Variants in ECE1 observed in about 807,000 individuals in gnomAD.
ECE1 encodes endothelin-converting enzyme 1.
In ECE1, 35 loss-of-function variants were observed where a neutral mutation model predicts 98.6. The ratio of observed to expected loss-of-function variants is 0.35; its 90% confidence interval spans 0.27 to 0.47. The LOEUF (loss-of-function observed/expected upper bound fraction) is 0.47. Ranked by LOEUF, ECE1 falls within the 20% of genes least tolerant of loss-of-function variation. The probability of loss-of-function intolerance (pLI) is 1.00; values close to 1 mark genes in which losing one functional copy is unlikely to be tolerated. For synonymous variants in ECE1, 394 were observed against 407.1 expected, an observed-to-expected ratio of 0.97 and a Z score of 0.39; for missense variants, 814 against 1,025.3, an observed-to-expected ratio of 0.79 and a Z score of 2.81.
At chr1:21,226,409 C>T (rs562692820) in intron 16 of ECE1, among the ~76,000 whole-genome samples, 8 of 152,280 alleles carry the variant, frequency 5.3e-5, no homozygotes, top group African/African-American at 1.9e-4. Context: ...GAAATGACAG[C>T]GCTTGCTAAA....
chr1:21,264,681 G>A (rs2103305469), intron 4 of ECE1, among the ~76,000 whole-genome samples: 2 of 152,276 alleles, frequency 1.3e-5, no homozygotes, highest in South Asian at 4.1e-4. Flanking sequence ...ACTGCCCCCA[G>A]GAATTTATTC....
rs528409257 is a variant in ECE1 at position 21,238,052 on chromosome 1, G to A, written c.1389+82C>T. ...CCCAGGAGCAGGAAAGGCCCAGGGT[G>A]GGCTGGAGTGTGAACTGGCAGGTCT... On this transcript the variant is annotated intron_variant, in intron 11 of 18. Coordinates refer to ENST00000374893, the MANE Select transcript of ECE1 (RefSeq NM_001397.3). 16 of 1,285,960 alleles carry A rather than the reference G, an allele frequency of 1.2e-5. No homozygotes were observed. The African/African-American group carries it at 2.2e-4, about 18-fold the overall frequency. The allele number at this position is 1,285,960 out of a possible 1,614,324, so 79.7% of individuals were successfully genotyped here. A position where few individuals can be genotyped will look rare whatever the true frequency, so the allele number is the denominator to read the frequency against.
In ECE1 at chr1:21,345,493, G is replaced by C; in HGVS notation, c.-115C>G. 1 of 1,034,804 alleles carries C rather than the reference G, an allele frequency of 9.7e-7. No individual in the cohort carries two copies. The highest frequency in any genetic ancestry group is 1.2e-6 in the Non-Finnish European group (1 of 817,366). 64.1% of individuals were successfully genotyped at this position (1,034,804 alleles called of 1,614,324 possible). A position where few individuals can be genotyped will look rare whatever the true frequency, so the allele number is the denominator to read the frequency against. On this transcript the variant is annotated 5_prime_UTR_variant, in exon 1 of 19. Coordinates refer to the ECE1 transcript ENST00000415912. This position sits in a 1 kb window ranked among gnomAD's most constrained non-coding sequence, Gnocchi z 5.1. The stretch of plus-strand genomic sequence containing the variant: ...TCGGACGGCTCGGCTGCCTGGCCCA[G>C]GCGGCGCGCTCAGCTCCAGCGGGCG...
At chr1:21,246,190 C>CA (rs943839921) in intron 9 of ECE1, among the ~76,000 whole-genome samples, 3 of 151,740 alleles carry the variant, frequency 2.0e-5, no homozygotes, top group Admixed American at 6.6e-5. Context: ...TGGTAGTTTT[C>CA]AAAAAATTTT....
At chr1:21,269,630 G>T (rs2098237908) in intron 4 of ECE1, among the ~76,000 whole-genome samples, 1 of 152,224 alleles carries the variant, frequency 6.6e-6, no homozygotes, top group Non-Finnish European at 1.5e-5. Context: ...GCTTTGACGA[G>T]CACCTACTAG....
Position 21,247,226 on chromosome 1 carries a change from G to A in ECE1, c.1158C>T (p.Asp386=). 2 of 1,614,210 alleles carry A rather than the reference G, an allele frequency of 1.2e-6. No homozygotes were observed. The highest frequency in any genetic ancestry group is 2.2e-5 in the South Asian group (2 of 91,086). The change falls in exon 9 of 19, where the codon GAC becomes GAT. Residue 386 remains aspartate (D), a synonymous_variant. Coordinates refer to ENST00000374893, the MANE Select transcript of ECE1 (RefSeq NM_001397.3). The part of the protein sequence containing the change: ...EQISTLINTT[D]RCLLNNYMIW... ...GCCACTGGGGGTCCTCTTACCATCT[G>A]TCGGTGGTGTTGATGAGAGTGGAGA...
intron 1 of ECE1, among the ~76,000 whole-genome samples, chr1:21,325,028 C>T (rs1158063562): frequency 2.6e-5 from 4 of 152,214 alleles, no homozygotes; most frequent in African/African-American, 9.6e-5. Context: ...GGAAAGCACA[C>T]ATGTTTTGTT....
chr1:21,345,189 G>A lies in ECE1; in HGVS notation c.3+187C>T. The A allele has an allele frequency of 1.3e-6, 1 of 765,008 alleles. No homozygotes were observed. Among genetic ancestry groups the A allele is most frequent in the Non-Finnish European group, 1.7e-6 (1 of 592,754 alleles). 47.4% of individuals were successfully genotyped at this position (765,008 alleles called of 1,614,324 possible). On this transcript the variant is annotated intron_variant, in intron 1 of 18. Coordinates refer to the ECE1 transcript ENST00000415912. The surrounding 1 kb of genome is among the most constrained non-coding windows in gnomAD (Gnocchi z 5.1). ...GACGGGACCAAGCGCAGCGCCGCCG[G>A]GAGAGCCGCGCTCTGCCCGGGCGCT...
chr1:21,226,191 T>A (rs2098174012), intron 16 of ECE1, among the ~76,000 whole-genome samples: 1 of 152,104 alleles, frequency 6.6e-6, no homozygotes, highest in South Asian at 2.1e-4. Flanking sequence ...GAGGGACTGA[T>A]TCAACGCCCC....
At chr1:21,331,813 A>C (rs1473198998) in intron 1 of ECE1, among the ~76,000 whole-genome samples, 1 of 152,214 alleles carries the variant, frequency 6.6e-6, no homozygotes, top group Non-Finnish European at 1.5e-5. Context: ...GGCACACAGC[A>C]AACACTCAAG....
At chr1:21,293,116 C>T (rs554609239), upstream of ECE1, among the ~76,000 whole-genome samples, 181 of 152,320 alleles carry the variant, frequency 1.2e-3, 1 homozygote, top group Non-Finnish European at 5.9e-5. Context: ...TTTATACCAT[C>T]TCTTTTAAGC....
Position 21,219,732 on chromosome 1 carries a change from G to A in ECE1, c.*223C>T. On this transcript the variant is annotated 3_prime_UTR_variant, in exon 19 of 19. Transcript: ENST00000374893. The surrounding 1 kb of genome is among the most constrained non-coding windows in gnomAD (Gnocchi z 4.5). ...CCCAGCACCCGAATGCCTGCTGAAG[G>A]TGGCGCACACGTGTGCCTGGGATGT... 2 of 603,866 alleles carry A rather than the reference G, an allele frequency of 3.3e-6. No homozygotes were observed. Among genetic ancestry groups the A allele is most frequent in the South Asian group, 1.9e-5 (1 of 52,770 alleles). 37.4% of individuals were successfully genotyped at this position (603,866 alleles called of 1,614,324 possible).
At position 21,220,224 on chromosome 1, in the gene ECE1, G is replaced by T; in HGVS notation, c.2137-93C>A. 1 of 1,407,122 alleles carries T rather than the reference G, an allele frequency of 7.1e-7. No homozygotes were observed. Among genetic ancestry groups the T allele is most frequent in the Non-Finnish European group, 9.6e-7 (1 of 1,041,312 alleles). The allele number at this position is 1,407,122 out of a possible 1,614,324, so 87.2% of individuals were successfully genotyped here. A position where few individuals can be genotyped will look rare whatever the true frequency, so the allele number is the denominator to read the frequency against. ...TATAACAGCAGGGGAGGCCAGGTGCGGTGGCTCACACCTGTAATCCCAGCA... is the reference window on the plus strand; with the variant it reads ...TATAACAGCAGGGGAGGCCAGGTGCTGTGGCTCACACCTGTAATCCCAGCA... On this transcript the variant is annotated intron_variant, in intron 18 of 18. Coordinates refer to ENST00000374893, the MANE Select transcript of ECE1 (RefSeq NM_001397.3). The surrounding 1 kb of genome is among the most constrained non-coding windows in gnomAD (Gnocchi z 5.0).
intron 1 of ECE1, among the ~76,000 whole-genome samples, chr1:21,338,571 A>G (rs999854231): frequency 1.3e-5 from 2 of 152,176 alleles, no homozygotes; most frequent in African/African-American, 4.8e-5. Context: ...CCTCTGAATG[A>G]GAGTATTATA....
chr1:21,244,988 CCTT>C lies in ECE1; in HGVS notation c.1276_1278del (p.Lys426del). On this transcript the variant is annotated inframe_deletion and splice_region_variant, in exon 10 of 19. Transcript: ENST00000374893. ...TCAGGCATACGCAGTAGCAGGCTCA[CCTT>C]CTTGGTCCCGTACATGACTTCCATG... 6.2e-7 allele frequency: 1 copy of C among 1,613,852 alleles called. No homozygotes were observed. Among genetic ancestry groups the C allele is most frequent in the Non-Finnish European group, 8.5e-7 (1 of 1,179,724 alleles).
chr1:21,248,093 G>C lies in ECE1; in HGVS notation c.1021-730C>G, dbSNP rs28367993. 3.7e-4 allele frequency among the ~76,000 whole-genome samples: 56 copies of C among 152,290 alleles called. No individual in the cohort carries two copies. The East Asian group carries it at 0.01, about 28-fold the overall frequency. ...TGATATTTCTCAGGCATGGGATCGG[G>C]AAGGGTTGAACATTAACTTTCAGCA... On this transcript the variant is annotated intron_variant, in intron 8 of 18. Transcript: ENST00000374893.
At position 21,327,372 on chromosome 1, in the gene ECE1, C is replaced by T. The variant is rs1274818394; in HGVS notation, c.3+18004G>A. On this transcript the variant is annotated intron_variant, in intron 1 of 18. Transcript: ENST00000415912. This position sits in a 1 kb window ranked among gnomAD's most constrained non-coding sequence, Gnocchi z 4.6. ...AAAGCGACGGGCTGATCCCCTGCCC[C>T]ACTCCAATCAATCACCAGGCCCTGC... Among the ~76,000 whole-genome samples the T allele has an allele frequency of 1.3e-5, 2 of 152,170 alleles. No homozygotes were observed. The highest frequency in any genetic ancestry group is 4.8e-5 in the African/African-American group (2 of 41,448).
At chr1:21,273,596 TAGA>T (rs2098243094) in intron 3 of ECE1, among the ~76,000 whole-genome samples, 1 of 152,052 alleles carries the variant, frequency 6.6e-6, no homozygotes, top group South Asian at 2.1e-4. Context: ...CTATTAGAAA[TAGA>T]AGGAGGAAAT....
At chr1:21,230,283 T>C (rs2098180068) in intron 14 of ECE1, among the ~76,000 whole-genome samples, 1 of 152,222 alleles carries the variant, frequency 6.6e-6, no homozygotes, top group Non-Finnish European at 1.5e-5. Flanking sequence ...TTTCGAGTTT[T>C]GGTGTAGTAT....
Sources: gnomAD v4.1 joint callset for allele counts (sites outside exome capture counted in the v4.1 genomes callset) on GRCh38, gnomAD v4.1.1 for gene constraint, Gnocchi (gnomAD v3.1) non-coding constraint, MANE v1.5 for transcripts, NCBI Gene and HGNC (gene_info 2026-07-23, HGNC 2026-07-21) for gene names.